The following GDAP1 variants were observed in gnomAD, a reference collection of about 807,000 sequenced individuals.
The protein encoded by GDAP1 is ganglioside-induced differentiation-associated protein 1.
A neutral mutation model predicts 40.1 loss-of-function variants in GDAP1; 34 were observed. That is an observed-to-expected ratio of 0.85 (90% CI 0.64 to 1.13). The LOEUF is 1.13. Ranked by LOEUF, GDAP1 falls within the 50% of genes most tolerant of loss-of-function variation. GDAP1 has a pLI of 0.00. For synonymous variants in GDAP1, 170 were observed against 157.4 expected, an observed-to-expected ratio of 1.08 and a Z score of -0.60; for missense variants, 374 against 433.7, an observed-to-expected ratio of 0.86 and a Z score of 1.22.
intron 2 of GDAP1, among the ~76,000 whole-genome samples, chr8:74,485,646 G>A (rs1331494391): frequency 1.3e-5 from 2 of 152,028 alleles, no homozygotes; most frequent in Non-Finnish European, 2.9e-5. Context: ...TAAATGGGAA[G>A]AACCTGAAGG....
chr8:74,478,216 C>T (rs191949833), intron 2 of GDAP1, among the ~76,000 whole-genome samples: 38 of 152,152 alleles, frequency 2.5e-4, no homozygotes, highest in Middle Eastern at 3.4e-3. Flanking sequence ...GCAGAGTGCC[C>T]TCACACTGGC....
chr8:74,374,533 C>T (rs573014920), intron 2 of GDAP1, among the ~76,000 whole-genome samples: 1 of 151,802 alleles, frequency 6.6e-6, no homozygotes, highest in Non-Finnish European at 1.5e-5. Context: ...ACCTATGATA[C>T]AGAAACAAAA....
chr8:74,425,215 G>A (rs1370109209), intron 2 of GDAP1, among the ~76,000 whole-genome samples: 3 of 152,194 alleles, frequency 2.0e-5, no homozygotes, highest in African/African-American at 7.2e-5. Flanking sequence ...ACCCTTGTTT[G>A]CCCTTGGGCT....
chr8:74,471,051 T>C (rs1373353004), intron 2 of GDAP1, among the ~76,000 whole-genome samples: 1 of 152,220 alleles, frequency 6.6e-6, no homozygotes, highest in African/African-American at 2.4e-5. Flanking sequence ...AATGTCTTCT[T>C]TTGAGAGGTG....
intron 2 of GDAP1, among the ~76,000 whole-genome samples, chr8:74,426,013 T>G (rs73331336): frequency 0.01 from 1,552 of 152,312 alleles, 16 homozygotes; most frequent in African/African-American, 0.033. Flanking sequence ...GATATGTTAA[T>G]TATTGAAATC....
chr8:74,444,209 C>G (rs1563471834), intron 2 of GDAP1, among the ~76,000 whole-genome samples: 1 of 922 alleles, frequency 1.1e-3, no homozygotes, highest in Non-Finnish European at 2.8e-3. Flanking sequence ...CACACACACA[C>G]GCGCGCACAC....
chr8:74,448,193 T>C lies in GDAP1; in HGVS notation c.166-40485T>C, dbSNP rs141066448. Among the ~76,000 whole-genome samples, 1,337 of 152,320 alleles carry C rather than the reference T, an allele frequency of 8.8e-3. 17 individuals carry two copies. The highest frequency in any genetic ancestry group is 0.03 in the African/African-American group (1,247 of 41,576). ...CTTCCACAGGCAAGTACTATTCTGATTTCTGTCATATGGATTTGTTTTTCA... is the reference window on the plus strand; with the variant it reads ...CTTCCACAGGCAAGTACTATTCTGACTTCTGTCATATGGATTTGTTTTTCA... On this transcript the variant is annotated intron_variant, in intron 2 of 2. Transcript: ENST00000523640.
At chr8:74,425,777 T>G (rs1257492913) in intron 2 of GDAP1, among the ~76,000 whole-genome samples, 1 of 152,214 alleles carries the variant, frequency 6.6e-6, no homozygotes, top group Non-Finnish European at 1.5e-5. Flanking sequence ...TTCCTATCTC[T>G]AGGATGATGG....
intron 2 of GDAP1, among the ~76,000 whole-genome samples, chr8:74,428,984 G>T (rs938736335): frequency 3.3e-5 from 5 of 150,554 alleles, no homozygotes; most frequent in Admixed American, 2.0e-4. Flanking sequence ...TTGTCCTTGC[G>T]ATAGTTTGCT....
At chr8:74,360,567 C>G (rs1280040443) in intron 3 of GDAP1, among the ~76,000 whole-genome samples, 1 of 152,160 alleles carries the variant, frequency 6.6e-6, no homozygotes, top group Non-Finnish European at 1.5e-5. Context: ...GGGTAAAACT[C>G]AGAAGAGTGG....
intron 5 of GDAP1, 53 bp from the exon 6 acceptor site, chr8:74,363,932 G>A: frequency 6.6e-7 from 1 of 1,523,726 alleles, no homozygotes; most frequent in Non-Finnish European, 9.1e-7. Context: ...ACCAGCTGGA[G>A]TCTGTCTGTA....
chr8:74,423,378 A>T lies in GDAP1; in HGVS notation c.166-65300A>T, dbSNP rs148221824. The stretch of plus-strand genomic sequence containing the variant: ...TTAAATAATACAAGATAAATAGTAT[A>T]TATGTATACTGTATATTATACATAT... On this transcript the variant is annotated intron_variant, in intron 2 of 2. Transcript: ENST00000523640. Among the ~76,000 whole-genome samples, 508 of 147,704 alleles carry T rather than the reference A, an allele frequency of 3.4e-3. 2 individuals carry two copies. The highest frequency in any genetic ancestry group is 7.1e-3 in the Middle Eastern group (2 of 280).
chr8:74,422,476 C>G (rs1244722599), intron 2 of GDAP1, among the ~76,000 whole-genome samples: 2 of 123,642 alleles, frequency 1.6e-5, no homozygotes, highest in African/African-American at 6.5e-5. Context: ...CTTCCTTCCT[C>G]CCTCCCTCCC....
At position 74,351,458 on chromosome 8, in the gene GDAP1, T is replaced by C; in HGVS notation, c.302T>C (p.Phe101Ser). 1.2e-6 allele frequency: 2 copies of C among 1,611,134 alleles called. No individual in the cohort carries two copies. The highest frequency in any genetic ancestry group is 1.7e-6 in the Non-Finnish European group (2 of 1,177,244). ...TQIIDYLEQT[F>S]LDERTPRLMP... ...ATCATTGATTATCTTGAACAGACTT[T>C]CCTGGATGGTAATGTTAAGGCTACT... Residue 101 changes from phenylalanine (F) to serine (S), a missense_variant, in exon 2 of 6, where the codon TTC becomes TCC. By Grantham distance (155) the Phe-to-Ser change is radical. Coordinates refer to ENST00000220822, the MANE Select transcript of GDAP1 (RefSeq NM_018972.4).
chr8:74,467,090 A>G (rs1259219163), intron 2 of GDAP1, among the ~76,000 whole-genome samples: 3 of 152,196 alleles, frequency 2.0e-5, no homozygotes, highest in Non-Finnish European at 4.4e-5. Flanking sequence ...ATATATGAAG[A>G]TTATCAAAGT....
At chr8:74,356,151 T>C (rs1285935934) in intron 2 of GDAP1, among the ~76,000 whole-genome samples, 1 of 152,158 alleles carries the variant, frequency 6.6e-6, no homozygotes, top group Non-Finnish European at 1.5e-5. Flanking sequence ...TAGCACAAAA[T>C]GTGGAGAAAA....
rs191256017 is a variant in GDAP1 at position 74,385,283 on chromosome 8, C to T, written c.165+33962C>T. Among the ~76,000 whole-genome samples the T allele has an allele frequency of 9.9e-5, 15 of 152,056 alleles. No individual in the cohort carries two copies. The East Asian group carries it at 2.9e-3, about 29-fold the overall frequency. ...ATGGTGGTTTGCTGCACCCATCAAC[C>T]CATCATGTACATTAGGTATTTCTCC... On this transcript the variant is annotated intron_variant, in intron 2 of 2. Coordinates refer to the GDAP1 transcript ENST00000523640.
intron 2 of GDAP1, among the ~76,000 whole-genome samples, chr8:74,450,270 C>A (rs1322113939): frequency 6.6e-6 from 1 of 151,678 alleles, no homozygotes; most frequent in Non-Finnish European, 1.5e-5. Flanking sequence ...TATAGTCCAT[C>A]TTTGTGAGCA....
intron 4 of GDAP1, among the ~76,000 whole-genome samples, 155 bp from the exon 5 acceptor site, chr8:74,362,784 C>CTTTTTTTTTTTTTTTTTTTTTTTTT (rs1284434868): frequency 6.6e-5 from 4 of 60,452 alleles, no homozygotes; most frequent in Non-Finnish European, 9.2e-5. Context: ...CTCTCTCTCT[C>CTTTTTTTTTTTTTTTTTTTTTTTTT]TTTTTTTTTT....
Sources: allele counts gnomAD v4.1 joint callset (sites outside exome capture counted in the v4.1 genomes callset), GRCh38; gene constraint gnomAD v4.1.1; transcripts MANE v1.5; gene names NCBI Gene and HGNC (gene_info 2026-07-23, HGNC 2026-07-21).